The following MAST4 variants were observed in gnomAD, a reference collection of about 807,000 sequenced individuals.
MAST4 encodes microtubule associated serine/threonine kinase family member 4.
In MAST4, 89 loss-of-function variants were observed where a neutral mutation model predicts 162.7. The ratio of observed to expected loss-of-function variants is 0.55; its 90% confidence interval spans 0.46 to 0.65. The LOEUF (loss-of-function observed/expected upper bound fraction) is 0.65. Ranked by LOEUF, MAST4 falls within the 30% of genes least tolerant of loss-of-function variation. MAST4 has a pLI of 0.00. For missense variants in MAST4, 3,153 were observed against 3,374.0 expected (o/e 0.93, Z 1.62); for synonymous variants, 1,479 against 1,361.1 (o/e 1.09, Z -1.91).
At position 67,163,452 on chromosome 5, in the gene MAST4, A is replaced by C; in HGVS notation, c.4273A>C (p.Arg1425=). 2.5e-6 allele frequency: 4 copies of C among 1,613,508 alleles called. No homozygotes were observed. Among genetic ancestry groups the C allele is most frequent in the Non-Finnish European group, 3.4e-6 (4 of 1,179,886 alleles). Residue 1425 remains arginine (R), a synonymous_variant, in exon 29 of 29, where the codon AGA becomes CGA. Coordinates refer to ENST00000403625, the MANE Select transcript of MAST4 (RefSeq NM_001164664.2). This position sits in a 1 kb window ranked among gnomAD's most constrained non-coding sequence, Gnocchi z 7.0. ...GATGCACTCCCCGCCCACCATCGTC[A>C]GACACATCGTGAGGCCCAAGAGTGC... The part of the protein sequence containing the change: ...SKMHSPPTIV[R]HIVRPKSAEP...
At chr5:67,011,072 C>T (rs1752613087) in intron 4 of MAST4, among the ~76,000 whole-genome samples, 1 of 152,162 alleles carries the variant, frequency 6.6e-6, no homozygotes, top group Non-Finnish European at 1.5e-5. Context: ...GTTTCCTTTT[C>T]ACCTCCCTCT....
At chr5:67,112,146 A>G (rs1334476551) in intron 11 of MAST4, among the ~76,000 whole-genome samples, 2 of 152,316 alleles carry the variant, frequency 1.3e-5, no homozygotes, top group Admixed American at 1.3e-4. Context: ...CATTAACCAA[A>G]ATGGGAAATA....
chr5:66,893,225 A>T (rs1762469530), intron 3 of MAST4, among the ~76,000 whole-genome samples: 1 of 152,072 alleles, frequency 6.6e-6, no homozygotes, highest in South Asian at 2.1e-4. Context: ...TGTTTTTTTA[A>T]GACAGAGTCT....
At chr5:67,104,679 A>C in intron 10 of MAST4, 104 bp downstream of exon 10, 1 of 754,054 alleles carries the variant, frequency 1.3e-6, no homozygotes, top group Non-Finnish European at 2.1e-6. Context: ...TTCACATTCC[A>C]GAGAAGCAAA....
intron 3 of MAST4, among the ~76,000 whole-genome samples, chr5:66,812,812 C>T (rs946576143): frequency 9.2e-5 from 14 of 152,152 alleles, no homozygotes; most frequent in Admixed American, 3.3e-4. Flanking sequence ...GTGTTGTTAC[C>T]TGCTCCTGCT....
rs1773401783 is a variant in MAST4, at chr5:67,163,084, C to T, written c.3968-63C>T. 1 of 1,525,450 alleles carries T rather than the reference C, an allele frequency of 6.6e-7. No homozygotes were observed. The highest frequency in any genetic ancestry group is 8.9e-7 in the Non-Finnish European group (1 of 1,122,048). 94.5% of individuals were successfully genotyped at this position (1,525,450 alleles called of 1,614,324 possible). ...GCCTTACCTAATACAGTCTGGGCTA[C>T]AACTGTGAAAAAAAGGGGAAAATGA... On this transcript the variant is annotated intron_variant, in intron 28 of 28. Coordinates refer to ENST00000403625, the MANE Select transcript of MAST4 (RefSeq NM_001164664.2). This position sits in a 1 kb window ranked among gnomAD's most constrained non-coding sequence, Gnocchi z 7.0.
At chr5:66,986,684 G>C (rs755394806) in intron 4 of MAST4, among the ~76,000 whole-genome samples, 17 of 150,784 alleles carry the variant, frequency 1.1e-4, no homozygotes, top group Non-Finnish European at 2.2e-4. Context: ...GCAGTAACAC[G>C]ATCATAGCTC....
rs1720790447 is a variant in MAST4, at chr5:66,792,196, T to C, written c.642+3402T>C. On this transcript the variant is annotated intron_variant, in intron 3 of 28. Coordinates refer to ENST00000403625, the MANE Select transcript of MAST4 (RefSeq NM_001164664.2). The stretch of plus-strand genomic sequence containing the variant: ...CCTTCTTCTCTTCAGCTTTCTCTTT[T>C]CCTTGTCTTCAAACAAATTGACATT... 4 of 167,814 alleles carry C rather than the reference T, an allele frequency of 2.4e-5. No homozygotes were observed. In the Admixed American group the frequency reaches 2.6e-4, roughly 11 times the overall value. 10.4% of individuals were successfully genotyped at this position (167,814 alleles called of 1,614,324 possible).
At chr5:66,859,593 A>ATTT (rs896357319) in intron 3 of MAST4, among the ~76,000 whole-genome samples, 1 of 152,118 alleles carries the variant, frequency 6.6e-6, no homozygotes, top group African/African-American at 2.4e-5. Flanking sequence ...TTTACCACCT[A>ATTT]TTTTTTATCA....
chr5:67,094,049 G>T (rs918755298), intron 6 of MAST4: 3 of 590,242 alleles, frequency 5.1e-6, no homozygotes, highest in Admixed American at 6.9e-5. Flanking sequence ...TATTTCAAAA[G>T]AACATATAAT....
chr5:66,710,383 A>C (rs1750418224), intron 1 of MAST4, among the ~76,000 whole-genome samples: 1 of 152,160 alleles, frequency 6.6e-6, no homozygotes, highest in African/African-American at 2.4e-5. Context: ...AAGTGGACAA[A>C]AGAGAAGGGC....
At chr5:67,024,454 C>A (rs951733243) in intron 4 of MAST4, among the ~76,000 whole-genome samples, 2 of 151,052 alleles carry the variant, frequency 1.3e-5, no homozygotes, top group Admixed American at 6.6e-5. Flanking sequence ...CTGTTGTGCT[C>A]AAAATGTGGG....
rs1385215705 is a variant in MAST4 at position 67,166,018 on chromosome 5, C to G, written c.6839C>G (p.Ala2280Gly). ...TCTGTCCCACTGCACACTGACAGGG[C>G]TCCTCTAGACGCCAAGCCACAACCC... ...GPSVPLHTDR[A>G]PLDAKPQPTS... The change falls in exon 29 of 29, where the codon GCT (alanine) becomes GGT (glycine). Residue 2280 changes from alanine (A) to glycine (G), a missense_variant. Physicochemically the swap from Ala to Gly is moderately conservative, Grantham distance 60 (BLOSUM62 0). Coordinates refer to ENST00000403625, the MANE Select transcript of MAST4 (RefSeq NM_001164664.2). 1 of 1,613,674 alleles carries G rather than the reference C, an allele frequency of 6.2e-7. No individual in the cohort carries two copies. The highest frequency in any genetic ancestry group is 1.1e-5 in the South Asian group (1 of 91,072).
intron 3 of MAST4, among the ~76,000 whole-genome samples, chr5:66,869,196 A>AG (rs1158542545): frequency 5.3e-5 from 8 of 152,158 alleles, no homozygotes; most frequent in African/African-American, 1.9e-4. Flanking sequence ...AACTTCTTTT[A>AG]GGGGGAAAAA....
chr5:66,601,628 G>A (rs1742554352), intron 1 of MAST4, among the ~76,000 whole-genome samples: 1 of 152,152 alleles, frequency 6.6e-6, no homozygotes. Flanking sequence ...GTAGCAGGAG[G>A]CCTTGAAGCA....
intron 3 of MAST4, among the ~76,000 whole-genome samples, chr5:66,845,884 C>A (rs1220254582): frequency 6.6e-6 from 1 of 152,140 alleles, no homozygotes; most frequent in East Asian, 1.9e-4. Flanking sequence ...TGGCCCTCTT[C>A]TGTGCTGGGA....
At chr5:66,890,217 C>T (rs1396836483) in intron 3 of MAST4, among the ~76,000 whole-genome samples, 2 of 152,100 alleles carry the variant, frequency 1.3e-5, no homozygotes, top group Non-Finnish European at 2.9e-5. Context: ...ATAATAAATG[C>T]ACTTCAGTTA....
At chr5:66,615,684 A>C (rs1235484136) in intron 1 of MAST4, among the ~76,000 whole-genome samples, 1 of 151,982 alleles carries the variant, frequency 6.6e-6, no homozygotes, top group East Asian at 1.9e-4. Context: ...ATGGTGGTGC[A>C]TGCCTGTAGT....
intron 1 of MAST4, among the ~76,000 whole-genome samples, chr5:66,749,873 G>A (rs2149590118): frequency 6.6e-6 from 1 of 152,278 alleles, no homozygotes; most frequent in Middle Eastern, 3.4e-3. Context: ...AACTGTAGAA[G>A]CCTGTTCTAT....
Sources: allele counts gnomAD v4.1 joint callset (sites outside exome capture counted in the v4.1 genomes callset), GRCh38; gene constraint gnomAD v4.1.1; non-coding constraint Gnocchi (gnomAD v3.1); transcripts MANE v1.5; gene names NCBI Gene and HGNC (gene_info 2026-07-23, HGNC 2026-07-21).